The following RTL9 variants were observed in gnomAD, a reference collection of about 807,000 sequenced individuals.
The protein encoded by RTL9 is retrotransposon Gag like 9, also known as retrotransposon Gag-like protein 9.
A neutral mutation model predicts 44.7 loss-of-function variants in RTL9; 19 were observed. That is an observed-to-expected ratio of 0.42 (90% confidence interval 0.30 to 0.62). RTL9 has a LOEUF of 0.62. Ranked by LOEUF, RTL9 falls within the 20% of genes least tolerant of loss-of-function variation. The pLI, the probability that RTL9 is intolerant of heterozygous loss-of-function variation, is 0.16. For synonymous variants in RTL9, 407 were observed against 398.9 expected, an observed-to-expected ratio of 1.02 and a Z score of -0.24; for missense variants, 1,105 against 1,080.6, an observed-to-expected ratio of 1.02 and a Z score of -0.32.
At chrX:110,451,528 C>A in exon 1 of RTL9, 2 of 1,212,046 alleles carry the variant, frequency 1.7e-6, no homozygotes, top group Non-Finnish European at 2.2e-6. Flanking sequence ...GATCTAGACT[C>A]TGGAATAATG....
At chrX:110,455,398 A>G (rs2068974934) in exon 2 of RTL9, 1 of 1,127,517 alleles carries the variant, frequency 8.9e-7, no homozygotes. Context: ...CATTCCATTA[A>G]ACTACATTAT....
intron 1 of RTL9, among the ~76,000 whole-genome samples, chrX:110,384,970 G>A (rs2068444886): frequency 9.0e-6 from 1 of 110,868 alleles, no homozygotes; most frequent in Non-Finnish European, 1.9e-5. Flanking sequence ...TGTAGCCCAA[G>A]TCTGTGCAGA....
At chrX:110,415,549 C>A (rs192567665), upstream of RTL9, among the ~76,000 whole-genome samples, 2 of 111,421 alleles carry the variant, frequency 1.8e-5, no homozygotes, top group Non-Finnish European at 3.8e-5. Context: ...TATTGATGCC[C>A]AGTGTACTCT....
chrX:110,433,543 G>A (rs1411913757), intron 1 of RTL9, among the ~76,000 whole-genome samples: 2 of 111,661 alleles, frequency 1.8e-5, no homozygotes, highest in African/African-American at 6.5e-5. Flanking sequence ...ACATTGTGAA[G>A]TTTATATGTT....
upstream of RTL9, among the ~76,000 whole-genome samples, chrX:110,449,020 G>A (rs2068924288): frequency 9.1e-6 from 1 of 110,196 alleles, no homozygotes; most frequent in Admixed American, 9.6e-5. Context: ...GTGTCAGCAG[G>A]AGGCCAGCAT....
intron 1 of RTL9, among the ~76,000 whole-genome samples, chrX:110,360,185 C>A (rs1283874970): frequency 9.0e-6 from 1 of 110,940 alleles, no homozygotes; most frequent in Non-Finnish European, 1.9e-5. Flanking sequence ...GTATTGGGGG[C>A]ACACTGTGGT....
upstream of RTL9, chrX:110,450,463 T>A: frequency 2.1e-6 from 1 of 486,296 alleles, no homozygotes; most frequent in Non-Finnish European, 3.6e-6. Flanking sequence ...CAATGCCATA[T>A]ACCTGACAAC....
exon 2 of RTL9, chrX:110,455,387 C>G: frequency 8.6e-7 from 1 of 1,157,097 alleles, no homozygotes; most frequent in Admixed American, 2.3e-5. Context: ...GTTCCTGGAC[C>G]CATTCCATTA....
intron 1 of RTL9, 98 bp downstream of exon 1, chrX:110,359,014 A>G (rs937405844): frequency 8.9e-6 from 1 of 111,752 alleles, no homozygotes; most frequent in African/African-American, 3.3e-5. Flanking sequence ...ATAAGTATTA[A>G]CTCCTTTACA....
At chrX:110,372,748 A>C (rs1008907236) in intron 1 of RTL9, among the ~76,000 whole-genome samples, 5 of 112,075 alleles carry the variant, frequency 4.5e-5, no homozygotes. Flanking sequence ...CAGAAGCAAG[A>C]AAGGAAAACT....
At chrX:110,359,651 T>C (rs1177783351) in intron 1 of RTL9, among the ~76,000 whole-genome samples, 1 of 111,873 alleles carries the variant, frequency 8.9e-6, no homozygotes, top group African/African-American at 3.2e-5. Context: ...TCATTAATAT[T>C]GTAAAAATAT....
chrX:110,389,723 A>ATACCTGTTACAC (rs2068481971), intron 1 of RTL9, among the ~76,000 whole-genome samples: 1 of 110,659 alleles, frequency 9.0e-6, no homozygotes, highest in Non-Finnish European at 1.9e-5. Flanking sequence ...GGAAGGGAGA[A>ATACCTGTTACAC]AGTAGAAAGG....
upstream of RTL9, among the ~76,000 whole-genome samples, chrX:110,414,497 T>C (rs1443713507): frequency 8.9e-6 from 1 of 112,888 alleles, no homozygotes; most frequent in Non-Finnish European, 1.9e-5. Context: ...GCATGCAGTG[T>C]TTCATTTAAT....
exon 1 of RTL9, chrX:110,451,078 C>G: frequency 8.3e-7 from 1 of 1,212,022 alleles, no homozygotes; most frequent in East Asian, 3.0e-5. Flanking sequence ...ATGTCCGCAA[C>G]GCTAATGGTA....
chrX:110,377,095 A>G (rs2068382112), intron 1 of RTL9, among the ~76,000 whole-genome samples: 1 of 111,573 alleles, frequency 9.0e-6, no homozygotes, highest in Non-Finnish European at 1.9e-5. Flanking sequence ...CTCCAGGAGA[A>G]CAGGGCCCTC....
At chrX:110,392,272 GTT>G (rs377409601) in intron 1 of RTL9, among the ~76,000 whole-genome samples, 91 of 85,060 alleles carry the variant, frequency 1.1e-3, no homozygotes, top group Middle Eastern at 6.7e-3. Context: ...TCTACCACAG[GTT>G]TTTTTTTTTT....
chrX:110,406,112 TG>T (rs1254375743), intron 1 of RTL9, among the ~76,000 whole-genome samples: 1 of 109,650 alleles, frequency 9.1e-6, no homozygotes, highest in African/African-American at 3.3e-5. Context: ...TTCTGGAAAG[TG>T]GTTTTTTTTT....
intron 1 of RTL9, chrX:110,426,787 G>A (rs1003357227): frequency 2.0e-4 from 22 of 111,789 alleles, no homozygotes; most frequent in Admixed American, 1.3e-3. Flanking sequence ...TTAGGGTCAA[G>A]GTGAGGACTC....
intron 1 of RTL9, among the ~76,000 whole-genome samples, chrX:110,366,349 A>C: frequency 8.9e-6 from 1 of 111,849 alleles, no homozygotes; most frequent in Admixed American, 9.5e-5. Context: ...TCAACAGGTA[A>C]TGTGAATCTC....
Sources: gnomAD v4.1 joint callset for allele counts (sites outside exome capture counted in the v4.1 genomes callset) on GRCh38, gnomAD v4.1.1 for gene constraint, MANE v1.5 for transcripts, NCBI Gene and HGNC (gene_info 2026-07-23, HGNC 2026-07-21) for gene names.